The following C10orf67 variants were observed in gnomAD, a reference collection of about 807,000 sequenced individuals.
The protein encoded by C10orf67 is chromosome 10 open reading frame 67.
Under a neutral mutation model 35.6 loss-of-function variants are expected in C10orf67, and 60 were observed. The ratio of observed to expected loss-of-function variants is 1.68; its 90% CI spans 1.37 to 2.09. The LOEUF is 2.09. C10orf67 is among the 30% of genes most tolerant of loss of function. The probability of loss-of-function intolerance (pLI) is 0.00; values close to 1 mark genes in which losing one functional copy is unlikely to be tolerated. For synonymous variants in C10orf67, 167 were observed against 115.8 expected, an observed-to-expected ratio of 1.44 and a Z score of -2.84; for missense variants, 474 against 330.2, an observed-to-expected ratio of 1.44 and a Z score of -3.38.
At chr10:23,280,615 C>T (rs1311040509) in intron 8 of C10orf67, among the ~76,000 whole-genome samples, 2 of 152,172 alleles carry the variant, frequency 1.3e-5, no homozygotes, top group African/African-American at 2.4e-5. Context: ...AAGGCTCTTT[C>T]GCTGTCGTGG....
intron 5 of C10orf67, among the ~76,000 whole-genome samples, chr10:23,293,280 A>G (rs1843778073): frequency 6.6e-6 from 1 of 152,210 alleles, no homozygotes; most frequent in Admixed American, 6.5e-5. Context: ...CCACATATCA[A>G]ACCACAACCC....
intron 15 of C10orf67, among the ~76,000 whole-genome samples, chr10:23,218,540 A>G (rs1043785484): frequency 1.3e-5 from 2 of 152,184 alleles, no homozygotes; most frequent in Non-Finnish European, 2.9e-5. Flanking sequence ...AGCAAGGGAA[A>G]TTCCTAAGAA....
chr10:23,318,901 T>C (rs375923524), intron 4 of C10orf67: 4 of 777,856 alleles, frequency 5.1e-6, no homozygotes, highest in African/African-American at 5.1e-5. Context: ...AGTATCTCAA[T>C]GTTTGGTTTC....
At position 23,220,077 on chromosome 10, in the gene C10orf67, C is replaced by A. The variant is rs1293602014; in HGVS notation, c.1570+3521G>T. Among the ~76,000 whole-genome samples the A allele has an allele frequency of 2.6e-5, 4 of 151,848 alleles. No homozygotes were observed. In the East Asian group the frequency reaches 7.7e-4, roughly 29 times the overall value. On this transcript the variant is annotated intron_variant, in intron 15 of 15. Transcript: ENST00000636213. ...GTTCCAGCTACTCAGAAGGCTGAGGCAGGAGGATCACCTGGGCCCAGGAAT... is the reference window on the plus strand; with the variant it reads ...GTTCCAGCTACTCAGAAGGCTGAGGAAGGAGGATCACCTGGGCCCAGGAAT...
intron 10 of C10orf67, among the ~76,000 whole-genome samples, chr10:23,254,957 T>C (rs1842563306): frequency 6.6e-6 from 1 of 152,188 alleles, no homozygotes; most frequent in Non-Finnish European, 1.5e-5. Context: ...ATTAAAGTAG[T>C]CTTTCTGACT....
At chr10:23,305,490 G>T (rs1215046443) in intron 4 of C10orf67, among the ~76,000 whole-genome samples, 2 of 152,032 alleles carry the variant, frequency 1.3e-5, no homozygotes, top group Admixed American at 6.5e-5. Flanking sequence ...TTTTTAAAAA[G>T]AAAAGATTAA....
intron 13 of C10orf67, among the ~76,000 whole-genome samples, chr10:23,234,059 T>C (rs952104125): frequency 6.6e-6 from 1 of 152,178 alleles, no homozygotes; most frequent in African/African-American, 2.4e-5. Flanking sequence ...AAAAGAACAC[T>C]TACACATGGT....
At chr10:23,218,922 C>T (rs186474922) in intron 15 of C10orf67, among the ~76,000 whole-genome samples, 10 of 152,256 alleles carry the variant, frequency 6.6e-5, no homozygotes, top group Admixed American at 4.6e-4. Context: ...AATGTTAACA[C>T]GTATGCCTGA....
At chr10:23,312,917 C>A (rs1396100579) in intron 4 of C10orf67, among the ~76,000 whole-genome samples, 1 of 152,128 alleles carries the variant, frequency 6.6e-6, no homozygotes, top group Non-Finnish European at 1.5e-5. Context: ...GGACTGCGTT[C>A]GGACTCAAGC....
intron 13 of C10orf67, among the ~76,000 whole-genome samples, chr10:23,225,666 C>A (rs758012726): frequency 6.6e-6 from 1 of 151,738 alleles, no homozygotes; most frequent in African/African-American, 2.4e-5. Flanking sequence ...AATAAAGGGA[C>A]GGAGGAAGAT....
At chr10:23,266,603 T>C (rs1259946176) in intron 9 of C10orf67, among the ~76,000 whole-genome samples, 177 bp from the exon 10 acceptor site, 2 of 152,116 alleles carry the variant, frequency 1.3e-5, no homozygotes, top group Admixed American at 6.6e-5. Flanking sequence ...CAGGATTTGA[T>C]TGGCAGGCTG....
At chr10:23,343,282 T>C (rs1245711785) in intron 1 of C10orf67, among the ~76,000 whole-genome samples, 1 of 152,106 alleles carries the variant, frequency 6.6e-6, no homozygotes, top group Admixed American at 6.5e-5. Flanking sequence ...TAAATGGGAT[T>C]AGTGCCCTTC....
chr10:23,234,937 G>A (rs574397484), intron 13 of C10orf67, among the ~76,000 whole-genome samples: 19 of 150,376 alleles, frequency 1.3e-4, no homozygotes, highest in Admixed American at 6.0e-4. Flanking sequence ...GCTTGAACCC[G>A]GGAGGCGGAG....
chr10:23,256,682 G>GT (rs61499923), intron 10 of C10orf67, among the ~76,000 whole-genome samples: 4,262 of 146,328 alleles, frequency 0.029, 387 homozygotes, highest in East Asian at 0.28. Context: ...TCACTCACAA[G>GT]TTTTTTTTTT....
At chr10:23,252,184 G>A (rs1320288842) in intron 10 of C10orf67, among the ~76,000 whole-genome samples, 1 of 151,948 alleles carries the variant, frequency 6.6e-6, no homozygotes, top group Non-Finnish European at 1.5e-5. Flanking sequence ...TATGTTCTAG[G>A]AAATTTTCTT....
intron 10 of C10orf67, among the ~76,000 whole-genome samples, chr10:23,252,530 G>C (rs1191091242): frequency 6.6e-6 from 1 of 152,158 alleles, no homozygotes; most frequent in Non-Finnish European, 1.5e-5. Flanking sequence ...TTAAGCACTG[G>C]AGATACAATA....
intron 1 of C10orf67, among the ~76,000 whole-genome samples, chr10:23,343,532 T>C (rs1191812976): frequency 6.6e-6 from 1 of 152,182 alleles, no homozygotes; most frequent in Non-Finnish European, 1.5e-5. Context: ...GGGTACTGTG[T>C]CCTAGATTAG....
At chr10:23,246,650 T>A (rs911449161) in intron 12 of C10orf67, among the ~76,000 whole-genome samples, 1 of 152,188 alleles carries the variant, frequency 6.6e-6, no homozygotes, top group African/African-American at 2.4e-5. Flanking sequence ...CATAAGATTA[T>A]AATGGAGCTG....
intron 15 of C10orf67, among the ~76,000 whole-genome samples, chr10:23,206,785 T>G (rs902850669): frequency 2.6e-5 from 4 of 152,170 alleles, no homozygotes; most frequent in African/African-American, 9.7e-5. Flanking sequence ...AAAGTTTCAA[T>G]GAAAAATTTC....
Sources: allele counts gnomAD v4.1 joint callset (sites outside exome capture counted in the v4.1 genomes callset), GRCh38; gene constraint gnomAD v4.1.1; transcripts MANE v1.5; gene names NCBI Gene and HGNC (gene_info 2026-07-23, HGNC 2026-07-21).